ACBD6: variants seen among roughly 807,000 people sequenced by gnomAD.
ACBD6 encodes the protein acyl-CoA-binding domain-containing protein 6.
ACBD6 carries 28 observed loss-of-function variants against 37.2 expected under a neutral mutation model. The observed-to-expected ratio is 0.75, with a 90% CI of 0.56 to 1.03. The LOEUF (loss-of-function observed/expected upper bound fraction) is 1.03, where lower values mean the gene tolerates loss of function less well. Among genes scored for constraint, ACBD6 ranks in the 50% least tolerant of loss-of-function variants. The probability of loss-of-function intolerance (pLI) is 0.00; values close to 1 mark genes in which losing one functional copy is unlikely to be tolerated. For synonymous variants in ACBD6, 113 were observed against 126.8 expected (o/e 0.89, Z 0.73); for missense variants, 340 against 337.4 (o/e 1.01, Z -0.06).
chr1:180,477,942 G>C (rs1362577616), intron 3 of ACBD6, among the ~76,000 whole-genome samples: 28 of 150,770 alleles, frequency 1.9e-4, no homozygotes, highest in Admixed American at 1.8e-3. Context: ...AGGAGTTCAG[G>C]TCTAGCCTAG....
intron 5 of ACBD6, among the ~76,000 whole-genome samples, chr1:180,411,189 A>G (rs1456900053): frequency 6.6e-6 from 1 of 152,226 alleles, no homozygotes; most frequent in Non-Finnish European, 1.5e-5. Context: ...AAGCAAACAA[A>G]GTGGTTTCTT....
intron 4 of ACBD6, among the ~76,000 whole-genome samples, chr1:180,414,019 G>C (rs542017002): frequency 6.6e-6 from 1 of 152,300 alleles, no homozygotes; most frequent in East Asian, 1.9e-4. Context: ...AACTGATTTT[G>C]TATACAGTAC....
At chr1:180,448,370 T>A (rs1371949049) in intron 3 of ACBD6, among the ~76,000 whole-genome samples, 1 of 152,214 alleles carries the variant, frequency 6.6e-6, no homozygotes, top group Admixed American at 6.5e-5. Context: ...TTAATGTTCT[T>A]AAATTTTTAA....
chr1:180,411,209 T>C (rs1339192702), intron 5 of ACBD6, among the ~76,000 whole-genome samples: 1 of 152,198 alleles, frequency 6.6e-6, no homozygotes, highest in African/African-American at 2.4e-5. Context: ...TAAGACAGAA[T>C]CTACTCCGGC....
At chr1:180,398,642 T>C (rs977247798) in intron 5 of ACBD6, among the ~76,000 whole-genome samples, 1 of 152,214 alleles carries the variant, frequency 6.6e-6, no homozygotes, top group Non-Finnish European at 1.5e-5. Context: ...ACAGTTACTA[T>C]TACGTGTGTT....
chr1:180,502,327 C>T lies in ACBD6; in HGVS notation c.-61G>A. 1 of 1,583,716 alleles carries T rather than the reference C, an allele frequency of 6.3e-7. No homozygotes were observed. Among genetic ancestry groups the T allele is most frequent in the Non-Finnish European group, 8.6e-7 (1 of 1,161,050 alleles). On this transcript the variant is annotated 5_prime_UTR_variant, in exon 1 of 8. Transcript: ENST00000367595. Reference sequence around the variant, plus strand: ...TGTCCTCCTTGGATTGGGTGTAAGGCCGGCTTGGAGGCCTGGCCCACCAGT... The same window carrying T: ...TGTCCTCCTTGGATTGGGTGTAAGGTCGGCTTGGAGGCCTGGCCCACCAGT...
intron 6 of ACBD6, among the ~76,000 whole-genome samples, chr1:180,356,637 G>C (rs72714816): frequency 1.3e-5 from 2 of 151,680 alleles, no homozygotes; most frequent in East Asian, 3.9e-4. Flanking sequence ...GCTTGAGTTC[G>C]TAAGTTCAAG....
chr1:180,380,545 A>T (rs967975633), intron 6 of ACBD6, among the ~76,000 whole-genome samples: 34 of 152,258 alleles, frequency 2.2e-4, no homozygotes, highest in African/African-American at 8.2e-4. Flanking sequence ...TCATCGCCCT[A>T]GACTGGTCCT....
Position 180,279,496 on chromosome 1 carries a change from C to T in ACBD6, c.*174+1810G>A, listed in dbSNP as rs1038119720. Among the ~76,000 whole-genome samples, 6 of 152,104 alleles carry T rather than the reference C, an allele frequency of 3.9e-5. No individual in the cohort carries two copies. In the East Asian group the frequency reaches 1.2e-3, roughly 29 times the overall value. On this transcript the variant is annotated intron_variant, in intron 9 of 13. Coordinates refer to the ACBD6 transcript ENST00000642319. ...TATTTTTAGTAGAGACGGGGTTTTG[C>T]CACGTTGGCCAGGCTGGTCTCGAAC...
intron 6 of ACBD6, among the ~76,000 whole-genome samples, chr1:180,356,373 T>C (rs1195960907): frequency 6.6e-6 from 1 of 151,624 alleles, no homozygotes; most frequent in African/African-American, 2.4e-5. Flanking sequence ...GGTTTTACCG[T>C]GTCGCCCAGA....
At chr1:180,312,904 CA>C (rs1298726637) in intron 7 of ACBD6, among the ~76,000 whole-genome samples, 1 of 152,114 alleles carries the variant, frequency 6.6e-6, no homozygotes. Flanking sequence ...TATCCCAGGT[CA>C]GGGGTAGAAC....
chr1:180,468,031 C>T (rs1246662185), intron 3 of ACBD6, among the ~76,000 whole-genome samples: 2 of 152,034 alleles, frequency 1.3e-5, no homozygotes, highest in Admixed American at 6.6e-5. Context: ...GAGAGGAAAA[C>T]GGGGGTGTGG....
chr1:180,428,317 T>A (rs557278616), intron 4 of ACBD6, among the ~76,000 whole-genome samples: 1 of 152,020 alleles, frequency 6.6e-6, no homozygotes, highest in East Asian at 1.9e-4. Flanking sequence ...AACATATTAT[T>A]CAAAAGTGAA....
intron 6 of ACBD6, among the ~76,000 whole-genome samples, chr1:180,390,962 T>C (rs1654053517): frequency 6.6e-6 from 1 of 152,186 alleles, no homozygotes; most frequent in African/African-American, 2.4e-5. Flanking sequence ...GACTGTGTGG[T>C]ATTAACATAA....
intron 3 of ACBD6, among the ~76,000 whole-genome samples, chr1:180,452,323 A>G (rs1172811171): frequency 6.6e-6 from 1 of 151,932 alleles, no homozygotes; most frequent in South Asian, 2.1e-4. Flanking sequence ...TACAAAAATT[A>G]CCTGGGCATG....
At chr1:180,432,232 T>C (rs922433691) in intron 3 of ACBD6, among the ~76,000 whole-genome samples, 1 of 151,308 alleles carries the variant, frequency 6.6e-6, no homozygotes, top group African/African-American at 2.4e-5. Context: ...TTATAATCCA[T>C]GAGAGAAAAA....
intron 4 of ACBD6, among the ~76,000 whole-genome samples, chr1:180,415,972 T>G (rs1363713807): frequency 6.6e-6 from 1 of 152,178 alleles, no homozygotes; most frequent in Non-Finnish European, 1.5e-5. Flanking sequence ...CCAAATATGC[T>G]AGGCACAGAG....
intron 3 of ACBD6, among the ~76,000 whole-genome samples, chr1:180,482,584 G>A (rs6701068): frequency 1.5e-3 from 235 of 151,662 alleles, no homozygotes; most frequent in African/African-American, 5.3e-3. Flanking sequence ...AGAAATTCCC[G>A]AGAATAAAAA....
At chr1:180,457,538 G>A (rs974124074) in intron 3 of ACBD6, among the ~76,000 whole-genome samples, 1 of 152,080 alleles carries the variant, frequency 6.6e-6, no homozygotes, top group Non-Finnish European at 1.5e-5. Context: ...TGTCAGACCT[G>A]AGTTCTGCTC....
Sources: allele counts gnomAD v4.1 joint callset (sites outside exome capture counted in the v4.1 genomes callset), GRCh38; gene constraint gnomAD v4.1.1; transcripts MANE v1.5; gene names NCBI Gene and HGNC (gene_info 2026-07-23, HGNC 2026-07-21).